Variants in CACNB2 observed in about 807,000 individuals in gnomAD.
CACNB2 encodes the protein voltage-dependent L-type calcium channel subunit beta-2.
Under a neutral mutation model 73.3 loss-of-function variants are expected in CACNB2, and 42 were observed. The ratio of observed to expected loss-of-function variants is 0.57; its 90% CI spans 0.45 to 0.74. The LOEUF (loss-of-function observed/expected upper bound fraction) is 0.74, where lower values mean the gene tolerates loss of function less well. Among genes scored for constraint, CACNB2 ranks in the 30% least tolerant of loss-of-function variants. The pLI, the probability that CACNB2 is intolerant of heterozygous loss-of-function variation, is 0.00. For synonymous variants in CACNB2, 348 were observed against 310.3 expected, an observed-to-expected ratio of 1.12 and a Z score of -1.28; for missense variants, 940 against 853.0, an observed-to-expected ratio of 1.10 and a Z score of -1.27.
At chr10:18,430,715 T>A (rs1352300815) in intron 3 of CACNB2, among the ~76,000 whole-genome samples, 1 of 152,212 alleles carries the variant, frequency 6.6e-6, no homozygotes, top group African/African-American at 2.4e-5. Context: ...CCTTCTGTCC[T>A]GTGATCTGTG....
At chr10:18,462,055 T>C (rs2047609771) in intron 3 of CACNB2, among the ~76,000 whole-genome samples, 1 of 152,178 alleles carries the variant, frequency 6.6e-6, no homozygotes, top group Non-Finnish European at 1.5e-5. Flanking sequence ...GAATCGGTAC[T>C]GTGTTTTGCT....
At chr10:18,305,246 G>A (rs2039683309) in intron 2 of CACNB2, among the ~76,000 whole-genome samples, 1 of 152,138 alleles carries the variant, frequency 6.6e-6, no homozygotes, top group Non-Finnish European at 1.5e-5. Flanking sequence ...GGAATTTAAA[G>A]CTTACATTAT....
At chr10:18,375,063 A>T (rs935593970) in intron 2 of CACNB2, among the ~76,000 whole-genome samples, 24 of 152,234 alleles carry the variant, frequency 1.6e-4, no homozygotes, top group Non-Finnish European at 3.1e-4. Context: ...ACAAAAATTT[A>T]AAAAATTAGC....
At chr10:18,163,302 G>A (rs1013232173) in intron 2 of CACNB2, among the ~76,000 whole-genome samples, 12 of 152,080 alleles carry the variant, frequency 7.9e-5, no homozygotes, top group East Asian at 1.9e-4. Flanking sequence ...ATTGGCCTGA[G>A]TATATATCCT....
At chr10:18,255,072 C>T (rs1322666354) in intron 2 of CACNB2, among the ~76,000 whole-genome samples, 2 of 151,974 alleles carry the variant, frequency 1.3e-5, no homozygotes, top group East Asian at 3.9e-4. Context: ...AGCCGTCTTC[C>T]AATCTGTCTT....
rs1005887373 is a variant in CACNB2 at position 18,542,548 on chromosome 10, G to T, written c.*2824G>T. 6.6e-6 allele frequency: 1 copy of T among 151,890 alleles called. No homozygotes were observed. Among genetic ancestry groups the T allele is most frequent in the Non-Finnish European group, 1.5e-5 (1 of 68,032 alleles). The allele number at this position is 151,890 out of a possible 1,614,324, so 9.4% of individuals were successfully genotyped here. A position where few individuals can be genotyped will look rare whatever the true frequency, so the allele number is the denominator to read the frequency against. On this transcript the variant is annotated 3_prime_UTR_variant, in exon 14 of 14. Coordinates refer to ENST00000324631, the MANE Select transcript of CACNB2 (RefSeq NM_201596.3). ...TTAATCCCTTTCAAAAAGTAGTGGTGAGAGTTTCCATCTTTTTTATTTTGT... is the reference window on the plus strand; with the variant it reads ...TTAATCCCTTTCAAAAAGTAGTGGTTAGAGTTTCCATCTTTTTTATTTTGT...
At chr10:18,512,429 T>C (rs1371372273) in intron 6 of CACNB2, among the ~76,000 whole-genome samples, 1 of 151,910 alleles carries the variant, frequency 6.6e-6, no homozygotes, top group Non-Finnish European at 1.5e-5. Flanking sequence ...TATGACTCCT[T>C]TGCATTGACT....
At chr10:18,517,998 G>A (rs1263405382) in intron 7 of CACNB2, among the ~76,000 whole-genome samples, 6 of 152,138 alleles carry the variant, frequency 3.9e-5, no homozygotes, top group Non-Finnish European at 7.4e-5. Context: ...TTAACTTCTA[G>A]TCAAGCCTAA....
chr10:18,417,805 A>T (rs2045080199), intron 3 of CACNB2, among the ~76,000 whole-genome samples: 1 of 152,198 alleles, frequency 6.6e-6, no homozygotes, highest in African/African-American at 2.4e-5. Flanking sequence ...TCTAGGAAAT[A>T]GATTGTATGA....
At chr10:18,535,115 G>T (rs924107306) in intron 11 of CACNB2, among the ~76,000 whole-genome samples, 1 of 152,190 alleles carries the variant, frequency 6.6e-6, no homozygotes, top group Non-Finnish European at 1.5e-5. Flanking sequence ...ACATTTGGAA[G>T]ATCTGAAGTC....
chr10:18,258,971 AT>A (rs2037406219), intron 2 of CACNB2, among the ~76,000 whole-genome samples: 1 of 151,612 alleles, frequency 6.6e-6, no homozygotes, highest in Non-Finnish European at 1.5e-5. Flanking sequence ...TAGGTTTCTG[AT>A]TTAATCACTA....
intron 7 of CACNB2, 133 bp downstream of exon 7, chr10:18,514,502 CT>C (rs758678651): frequency 6.2e-7 from 1 of 1,614,036 alleles, no homozygotes; most frequent in Non-Finnish European, 8.5e-7. Context: ...CTTTTCCATG[CT>C]GCTGTAGCTA....
chr10:18,208,361 A>G (rs1448894127), intron 2 of CACNB2, among the ~76,000 whole-genome samples: 1 of 152,114 alleles, frequency 6.6e-6, no homozygotes, highest in Non-Finnish European at 1.5e-5. Context: ...CTGTTGTCCC[A>G]GCTACACTTG....
At chr10:18,403,886 ATAG>A (rs1315838429) in intron 3 of CACNB2, among the ~76,000 whole-genome samples, 1 of 151,918 alleles carries the variant, frequency 6.6e-6, no homozygotes, top group East Asian at 1.9e-4. Context: ...AAAAAAAAAA[ATAG>A]AAAGAATGAA....
Position 18,542,526 on chromosome 10 carries a change from A to G in CACNB2, c.*2802A>G, listed in dbSNP as rs2054110758. On this transcript the variant is annotated 3_prime_UTR_variant, in exon 14 of 14. Transcript: ENST00000324631. ...TTTATCTTACTTGCTGCTATCATTA[A>G]TCCCTTTCAAAAAGTAGTGGTGAGA... 1 of 152,202 alleles carries G rather than the reference A, an allele frequency of 6.6e-6. No homozygotes were observed. Among genetic ancestry groups the G allele is most frequent in the Non-Finnish European group, 1.5e-5 (1 of 68,042 alleles). 9.4% of individuals were successfully genotyped at this position (152,202 alleles called of 1,614,324 possible). A position where few individuals can be genotyped will look rare whatever the true frequency, so the allele number is the denominator to read the frequency against.
intron 3 of CACNB2, among the ~76,000 whole-genome samples, chr10:18,429,755 A>T (rs982765303): frequency 2.2e-5 from 3 of 134,126 alleles, no homozygotes; most frequent in African/African-American, 8.6e-5. Flanking sequence ...GGATCACTTG[A>T]GCCCAGGAGT....
At chr10:18,341,926 A>C (rs1000954226) in intron 2 of CACNB2, among the ~76,000 whole-genome samples, 1 of 152,206 alleles carries the variant, frequency 6.6e-6, no homozygotes, top group African/African-American at 2.4e-5. Flanking sequence ...ACAGAATTTT[A>C]CTTGCTGAGT....
At chr10:18,335,442 A>G (rs1441582656) in intron 2 of CACNB2, among the ~76,000 whole-genome samples, 1 of 152,100 alleles carries the variant, frequency 6.6e-6, no homozygotes. Context: ...CAACAAAAAT[A>G]ATTAGCCAGG....
At chr10:18,219,561 A>G (rs1482695757) in intron 2 of CACNB2, among the ~76,000 whole-genome samples, 1 of 152,220 alleles carries the variant, frequency 6.6e-6, no homozygotes, top group Non-Finnish European at 1.5e-5. Flanking sequence ...ACTTGCACAG[A>G]GGAACATATT....
Sources: gnomAD v4.1 joint callset for allele counts (sites outside exome capture counted in the v4.1 genomes callset) on GRCh38, gnomAD v4.1.1 for gene constraint, MANE v1.5 for transcripts, NCBI Gene and HGNC (gene_info 2026-07-23, HGNC 2026-07-21) for gene names.